The following CREB1 variants were observed in gnomAD, a reference collection of about 807,000 sequenced individuals.
CREB1 encodes cAMP responsive element binding protein 1, also known as cyclic AMP-responsive element-binding protein 1.
CREB1 carries 2 observed loss-of-function variants against 42.0 expected under a neutral mutation model. The ratio of observed to expected loss-of-function variants is 0.05; its 90% CI spans 0.02 to 0.15. The LOEUF is 0.15. Ranked by LOEUF, CREB1 falls within the 10% of genes least tolerant of loss-of-function variation. The pLI, the probability that CREB1 is intolerant of heterozygous loss-of-function variation, is 1.00. For missense variants in CREB1, 199 were observed against 388.9 expected, an observed-to-expected ratio of 0.51 and a Z score of 4.11; for synonymous variants, 123 against 139.9, an observed-to-expected ratio of 0.88 and a Z score of 0.85.
rs971987530 is a variant in CREB1 at position 207,597,255 on chromosome 2, C to T, written c.*197C>T. On this transcript the variant is annotated 3_prime_UTR_variant, in exon 8 of 8. Transcript: ENST00000353267. Reference sequence around the variant, plus strand: ...TGTTCCAACACCTGCCTCCACTTCTCCCCTCAAGAAATTTTCAACGCCAGG... The same window carrying T: ...TGTTCCAACACCTGCCTCCACTTCTTCCCTCAAGAAATTTTCAACGCCAGG... 1.4e-5 allele frequency: 7 copies of T among 498,012 alleles called. No individual in the cohort carries two copies. The Middle Eastern group carries it at 1.6e-3, about 115-fold the overall frequency. The allele number at this position is 498,012 out of a possible 1,614,324, so 30.8% of individuals were successfully genotyped here.
intron 7 of CREB1, chr2:207,582,005 C>G: frequency 1.4e-6 from 1 of 698,786 alleles, no homozygotes; most frequent in Non-Finnish European, 2.6e-6. Flanking sequence ...TATAGTGTGC[C>G]TTTCTCATAA....
chr2:207,570,051 A>C (rs1390320514), intron 4 of CREB1, 128 bp from the exon 5 acceptor site: 2 of 642,732 alleles, frequency 3.1e-6, no homozygotes, highest in South Asian at 2.6e-5. Flanking sequence ...AAAAAAAAAA[A>C]AAAAAAAAAA....
chr2:207,555,912 T>C (rs1399872153), intron 2 of CREB1, among the ~76,000 whole-genome samples, 163 bp downstream of exon 2: 1 of 152,188 alleles, frequency 6.6e-6, no homozygotes, highest in Admixed American at 6.5e-5. Context: ...TTAGAAATGA[T>C]AGTATTAATT....
In CREB1 at chr2:207,544,028, T is replaced by C. The variant is rs558243459; in HGVS notation, c.-8-11600T>C. Among the ~76,000 whole-genome samples the C allele has an allele frequency of 3.3e-5, 5 of 152,346 alleles. No individual in the cohort carries two copies. The East Asian group carries it at 9.7e-4, about 29-fold the overall frequency. On this transcript the variant is annotated intron_variant, in intron 1 of 7. Transcript: ENST00000353267. The stretch of plus-strand genomic sequence containing the variant: ...TCTGCCTCCTGGGTTCATGCCATTC[T>C]CCTGCTTCAGCCTCCTGAGTAGCTG...
chr2:207,566,385 G>A (rs573819254), intron 3 of CREB1, among the ~76,000 whole-genome samples: 2 of 152,118 alleles, frequency 1.3e-5, no homozygotes, highest in African/African-American at 2.4e-5. Context: ...TACTCTGACC[G>A]CATAATGTGC....
chr2:207,564,515 AAAAAAAATCTT>A (rs1394452014), intron 3 of CREB1, among the ~76,000 whole-genome samples: 3 of 151,764 alleles, frequency 2.0e-5, no homozygotes, highest in Non-Finnish European at 4.4e-5. Flanking sequence ...TCTCTTAAAA[AAAAAAAATCTT>A]AAAAAAAAAA....
rs564706544 is a variant in CREB1 at position 207,593,376 on chromosome 2, ATAAAT to A, written c.840-3535_840-3531del. 2.0e-3 allele frequency among the ~76,000 whole-genome samples: 298 copies of A among 152,212 alleles called. 1 individual carries two copies. The highest frequency in any genetic ancestry group is 6.6e-3 in the African/African-American group (275 of 41,534). The stretch of plus-strand genomic sequence containing the variant: ...CACTGTCTCTACAAAAAATAATAAA[ATAAAT>A]TAGCTGGGCATGGTGGTGCATGCCT... On this transcript the variant is annotated intron_variant, in intron 7 of 7. Coordinates refer to ENST00000353267, the MANE Select transcript of CREB1 (RefSeq NM_004379.5).
intron 5 of CREB1, among the ~76,000 whole-genome samples, chr2:207,575,025 T>TA (rs1002752576): frequency 6.6e-6 from 1 of 152,158 alleles, no homozygotes; most frequent in Non-Finnish European, 1.5e-5. Context: ...TTTTTCCACT[T>TA]AAAAAAATTG....
intron 4 of CREB1, 148 bp downstream of exon 4, chr2:207,567,711 G>A: frequency 2.0e-6 from 1 of 509,062 alleles, no homozygotes; most frequent in Non-Finnish European, 3.5e-6. Flanking sequence ...CAAATAAAGT[G>A]GAAGCTTATC....
intron 7 of CREB1, among the ~76,000 whole-genome samples, chr2:207,583,711 G>A (rs1574924626): frequency 6.6e-6 from 1 of 152,114 alleles, no homozygotes; most frequent in South Asian, 2.1e-4. Context: ...TCTTTGTGCT[G>A]TATAGTTTTA....
intron 4 of CREB1, 110 bp downstream of exon 4, chr2:207,567,673 A>G (rs1251474494): frequency 1.7e-6 from 1 of 597,572 alleles, no homozygotes; most frequent in African/African-American, 1.9e-5. Context: ...CTTATAGATT[A>G]CTTTTCTTCA....
chr2:207,539,143 C>T (rs543388763), intron 1 of CREB1, among the ~76,000 whole-genome samples: 2 of 150,626 alleles, frequency 1.3e-5, no homozygotes. Flanking sequence ...TGGGTTCCAG[C>T]GATTCTGCTG....
chr2:207,591,487 C>T (rs2085019338), intron 7 of CREB1, among the ~76,000 whole-genome samples: 2 of 152,284 alleles, frequency 1.3e-5, no homozygotes, highest in African/African-American at 4.8e-5. Flanking sequence ...AGTGCAATGG[C>T]AGTGGCACAA....
At chr2:207,538,070 CTG>C (rs908479035) in intron 1 of CREB1, among the ~76,000 whole-genome samples, 10 of 152,144 alleles carry the variant, frequency 6.6e-5, no homozygotes, top group African/African-American at 9.7e-5. Context: ...ACAGTTTTGA[CTG>C]TGAACTGTTA....
chr2:207,571,781 T>C (rs181655908), intron 5 of CREB1: 2 of 452,644 alleles, frequency 4.4e-6, no homozygotes, highest in East Asian at 1.4e-4. Context: ...GATTCACTGT[T>C]ACAGAGATTC....
At chr2:207,545,818 C>T (rs1184857097) in intron 1 of CREB1, among the ~76,000 whole-genome samples, 1 of 151,226 alleles carries the variant, frequency 6.6e-6, no homozygotes, top group East Asian at 1.9e-4. Flanking sequence ...ACTGCAACCT[C>T]TGCCTCCTAG....
At chr2:207,561,676 T>C (rs1243123873) in intron 3 of CREB1, among the ~76,000 whole-genome samples, 2 of 152,182 alleles carry the variant, frequency 1.3e-5, no homozygotes, top group Non-Finnish European at 2.9e-5. Flanking sequence ...TATTAGATGG[T>C]ATAACTCTGT....
chr2:207,534,425 CAG>C (rs1410197287), intron 1 of CREB1, among the ~76,000 whole-genome samples: 1 of 151,986 alleles, frequency 6.6e-6, no homozygotes, highest in Non-Finnish European at 1.5e-5. Flanking sequence ...TTAGTAGAGA[CAG>C]GGTTTCACCA....
At chr2:207,570,352 T>C (rs1559043787) in intron 5 of CREB1, 31 bp downstream of exon 5, 1 of 1,549,706 alleles carries the variant, frequency 6.5e-7, no homozygotes, top group Admixed American at 2.0e-5. Flanking sequence ...GTTTCTATTG[T>C]GAGGAGAAAA....
Sources: allele counts gnomAD v4.1 joint callset (sites outside exome capture counted in the v4.1 genomes callset), GRCh38; gene constraint gnomAD v4.1.1; transcripts MANE v1.5; gene names NCBI Gene and HGNC (gene_info 2026-07-23, HGNC 2026-07-21).